ARHGEF33: variants seen among roughly 807,000 people sequenced by gnomAD.
ARHGEF33 encodes the protein DH and coiled-coil domain-containing protein ENSP00000381780.
A neutral mutation model predicts 101.9 loss-of-function variants in ARHGEF33; 72 were observed. The observed-to-expected ratio is 0.71, with a 90% CI of 0.58 to 0.86. The LOEUF is 0.86. Among genes scored for constraint, ARHGEF33 ranks in the 40% least tolerant of loss-of-function variants. ARHGEF33 has a pLI of 0.00. For synonymous variants in ARHGEF33, 499 were observed against 442.5 expected, an observed-to-expected ratio of 1.13 and a Z score of -1.60; for missense variants, 1,169 against 1,111.3, an observed-to-expected ratio of 1.05 and a Z score of -0.74.
chr2:38,918,872 C>A (rs1383309649), intron 2 of ARHGEF33, among the ~76,000 whole-genome samples: 1 of 133,930 alleles, frequency 7.5e-6, no homozygotes, highest in Non-Finnish European at 1.5e-5. Context: ...GAGACCCCAT[C>A]TCTACAAAAA....
At chr2:38,937,268 C>T in intron 8 of ARHGEF33, 67 bp from the exon 9 acceptor site, 1 of 801,642 alleles carries the variant, frequency 1.2e-6, no homozygotes, top group South Asian at 1.6e-5. Flanking sequence ...TGGTAACAAA[C>T]ATATTTTTTA....
chr2:38,919,284 T>C, intron 2 of ARHGEF33, 79 bp from the exon 3 acceptor site: 1 of 657,188 alleles, frequency 1.5e-6, no homozygotes, highest in Non-Finnish European at 2.6e-6. Flanking sequence ...CATTTCAATT[T>C]TTTTACTAAT....
chr2:38,898,111 G>A (rs911020689), intron 2 of ARHGEF33, among the ~76,000 whole-genome samples: 1 of 152,202 alleles, frequency 6.6e-6, no homozygotes, highest in African/African-American at 2.4e-5. Context: ...AAATCATCAT[G>A]AGAATAGTAA....
At chr2:38,953,406 T>G (rs573136954) in intron 12 of ARHGEF33, among the ~76,000 whole-genome samples, 161 bp downstream of exon 12, 1 of 152,354 alleles carries the variant, frequency 6.6e-6, no homozygotes, top group South Asian at 2.1e-4. Flanking sequence ...AGGAACTCAC[T>G]TGAGGATCAG....
chr2:38,970,545 T>C (rs1480790509), intron 17 of ARHGEF33, among the ~76,000 whole-genome samples: 1 of 152,242 alleles, frequency 6.6e-6, no homozygotes, highest in East Asian at 1.9e-4. Flanking sequence ...GTAAACATTT[T>C]AGATTACTTA....
intron 11 of ARHGEF33, 37 bp downstream of exon 11, chr2:38,951,158 T>C (rs747168764): frequency 1.2e-4 from 188 of 1,542,856 alleles, no homozygotes; most frequent in Non-Finnish European, 1.1e-4. Flanking sequence ...ATTTTACTTA[T>C]ACGGATTTGT....
chr2:38,931,078 G>A (rs1303207300), intron 6 of ARHGEF33, 31 bp from the exon 7 acceptor site: 68 of 1,525,634 alleles, frequency 4.5e-5, no homozygotes, highest in Non-Finnish European at 6.0e-5. Flanking sequence ...TTAAGAACCA[G>A]AATAGCCTTG....
intron 13 of ARHGEF33, 146 bp from the exon 14 acceptor site, chr2:38,956,753 T>C (rs1384402543): frequency 1.0e-6 from 1 of 981,506 alleles, no homozygotes; most frequent in Non-Finnish European, 1.5e-6. Flanking sequence ...TTTCAGCGTA[T>C]AATTAGATGG....
At chr2:38,922,321 C>T (rs550988118) in intron 4 of ARHGEF33, among the ~76,000 whole-genome samples, 1 of 152,104 alleles carries the variant, frequency 6.6e-6, no homozygotes, top group East Asian at 1.9e-4. Context: ...GTTTTAAGCC[C>T]TGGTAACTAG....
At chr2:38,921,922 A>T (rs1265581228) in intron 4 of ARHGEF33, among the ~76,000 whole-genome samples, 3 of 152,174 alleles carry the variant, frequency 2.0e-5, no homozygotes. Flanking sequence ...TGAGAATGAA[A>T]AGGGGGGTAA....
chr2:38,947,443 G>C (rs1158518041), intron 10 of ARHGEF33, among the ~76,000 whole-genome samples: 1 of 152,194 alleles, frequency 6.6e-6, no homozygotes, highest in Non-Finnish European at 1.5e-5. Flanking sequence ...GGAGAAGGGT[G>C]CAGCGGCCCA....
chr2:38,928,983 A>G lies in ARHGEF33; in HGVS notation c.152A>G (p.Glu51Gly), dbSNP rs1666933111. The G allele has an allele frequency of 1.3e-6, 2 of 1,551,538 alleles. No homozygotes were observed. Among genetic ancestry groups the G allele is most frequent in the African/African-American group, 1.4e-5 (1 of 73,062 alleles). Residue 51 changes from glutamate (E) to glycine (G), a missense_variant, in exon 5 of 18, where the codon GAA (glutamate) becomes GGA (glycine). Glu to Gly is a moderately conservative substitution (Grantham distance 98). Transcript: ENST00000409978. ...GAACTGTCAAGAATTCAACATGGAG[A>G]ATATGCTTTGGAAGAAAAGGTTAAG... Reference protein sequence around the residue: ...MQELSRIQHGEYALEEKVKSC... With the variant: ...MQELSRIQHGGYALEEKVKSC...
In ARHGEF33 at chr2:38,938,424, C is replaced by T. The variant is rs188228205; in HGVS notation, c.790+865C>T. Among the ~76,000 whole-genome samples, 8 of 152,214 alleles carry T rather than the reference C, an allele frequency of 5.3e-5. No individual in the cohort carries two copies. The South Asian group carries it at 1.0e-3, about 20-fold the overall frequency. ...CCTCCTGGCATGTGCCTCTGGTCTC[C>T]GCTACATGGGAGTCCAAGGTAGGAG... On this transcript the variant is annotated intron_variant, in intron 9 of 17. Transcript: ENST00000409978.
chr2:38,930,524 ATT>A (rs1301044136), intron 6 of ARHGEF33, among the ~76,000 whole-genome samples: 2 of 151,922 alleles, frequency 1.3e-5, no homozygotes, highest in African/African-American at 4.8e-5. Flanking sequence ...TTAAAAAAAA[ATT>A]ATAGAAATGG....
intron 7 of ARHGEF33, 54 bp from the exon 8 acceptor site, chr2:38,935,721 C>G: frequency 6.9e-7 from 1 of 1,456,710 alleles, no homozygotes; most frequent in South Asian, 1.2e-5. Flanking sequence ...GTGGAAGGTG[C>G]TTAGTCCATG....
chr2:38,968,087 T>C (rs1397777456), intron 17 of ARHGEF33, among the ~76,000 whole-genome samples: 1 of 152,018 alleles, frequency 6.6e-6, no homozygotes, highest in Non-Finnish European at 1.5e-5. Context: ...CTAATTCCTA[T>C]TTATCAGAGA....
chr2:38,960,442 C>T lies in ARHGEF33; in HGVS notation c.2137C>T (p.Pro713Ser), dbSNP rs1476151573. ...GCTGAGCCGCTCTCTCAAAGAGTTC[C>T]CGCGTGCGCCGCCAGCCGACGGCGT... ...KPLSRSLKEF[P>S]RAPPADGVAP... Residue 713 changes from proline to serine, a missense_variant, in exon 16 of 18, where the codon CCG (proline) becomes TCG (serine). Coordinates refer to ENST00000409978, the MANE Select transcript of ARHGEF33 (RefSeq NM_001145451.5). The T allele has an allele frequency of 4.0e-6, 6 of 1,497,236 alleles. No individual in the cohort carries two copies. The highest frequency in any genetic ancestry group is 5.3e-6 in the Non-Finnish European group (6 of 1,130,160). 92.7% of individuals were successfully genotyped at this position (1,497,236 alleles called of 1,614,324 possible).
chr2:38,971,863 G>A (rs1278896789), intron 17 of ARHGEF33: 3 of 718,586 alleles, frequency 4.2e-6, no homozygotes, highest in East Asian at 2.7e-5. Context: ...TTTGGCATTT[G>A]TTTCAGAAAT....
intron 2 of ARHGEF33, among the ~76,000 whole-genome samples, chr2:38,907,775 T>G (rs750682146): frequency 4.6e-5 from 7 of 152,172 alleles, no homozygotes; most frequent in African/African-American, 7.2e-5. Context: ...AGTGAAAGTA[T>G]AGTGACAGTC....
Sources: gnomAD v4.1 joint callset for allele counts (sites outside exome capture counted in the v4.1 genomes callset) on GRCh38, gnomAD v4.1.1 for gene constraint, MANE v1.5 for transcripts, NCBI Gene and HGNC (gene_info 2026-07-23, HGNC 2026-07-21) for gene names.